The following MME variants were observed in gnomAD, a reference collection of about 807,000 sequenced individuals.
MME encodes neprilysin.
In MME, 98 loss-of-function variants were observed where a neutral mutation model predicts 113.2. That is an observed-to-expected ratio of 0.87 (90% CI 0.74 to 1.02). The LOEUF (loss-of-function observed/expected upper bound fraction) is 1.02. MME is among the 50% of genes least tolerant of loss of function. The probability of loss-of-function intolerance (pLI) is 0.00; values close to 1 mark genes in which losing one functional copy is unlikely to be tolerated. For missense variants in MME, 836 were observed against 896.0 expected, an observed-to-expected ratio of 0.93 and a Z score of 0.86; for synonymous variants, 292 against 300.6, an observed-to-expected ratio of 0.97 and a Z score of 0.30.
At chr3:155,080,521 A>G (rs1037680785) in intron 1 of MME, 55 bp downstream of exon 1, 11 of 151,534 alleles carry the variant, frequency 7.3e-5, no homozygotes, top group Admixed American at 3.9e-4. Context: ...TCACTTTTCT[A>G]TTTTTACTTT....
chr3:155,170,574 A>G (rs1275806757), intron 20 of MME, among the ~76,000 whole-genome samples: 1 of 152,174 alleles, frequency 6.6e-6, no homozygotes, highest in East Asian at 1.9e-4. Context: ...TGTCCTGTGT[A>G]AGTACCATAA....
intron 3 of MME, among the ~76,000 whole-genome samples, chr3:155,114,113 A>G (rs3773893): frequency 0.017 from 2,600 of 152,302 alleles, 71 homozygotes; most frequent in African/African-American, 0.059. Flanking sequence ...TTCTCTTGAT[A>G]CAGATGAATT....
At position 155,126,663 on chromosome 3, in the gene MME, G is replaced by A. The variant is rs184923075; in HGVS notation, c.720+7852G>A. Among the ~76,000 whole-genome samples, 104 of 152,096 alleles carry A rather than the reference G, an allele frequency of 6.8e-4. 1 individual carries two copies. The highest frequency in any genetic ancestry group is 2.5e-3 in the African/African-American group (102 of 41,510). ...AGCCCCTAGCTTGCATTCTTATATGGCAGCAATTGACCAGAGTGGTGTTGT... is the reference window on the plus strand; with the variant it reads ...AGCCCCTAGCTTGCATTCTTATATGACAGCAATTGACCAGAGTGGTGTTGT... On this transcript the variant is annotated intron_variant, in intron 8 of 22. Coordinates refer to ENST00000360490, the MANE Select transcript of MME (RefSeq NM_007289.4).
At chr3:155,165,293 C>T (rs996398045) in intron 17 of MME, among the ~76,000 whole-genome samples, 14 of 151,932 alleles carry the variant, frequency 9.2e-5, no homozygotes, top group Non-Finnish European at 1.9e-4. Flanking sequence ...TAACATGACC[C>T]AAAATTTGAT....
rs2108312023 is a variant in MME at position 155,142,043 on chromosome 3, G to A, written c.1010G>A (p.Ser337Asn). ...GAAATCATGTCAACTGTGAATATTAGTATTACAAATGAGGAAGATGTGGTT... is the reference window on the plus strand; with the variant it reads ...GAAATCATGTCAACTGTGAATATTAATATTACAAATGAGGAAGATGTGGTT... Reference protein sequence around the residue: ...TNEIMSTVNISITNEEDVVVY... With the variant: ...TNEIMSTVNINITNEEDVVVY... The change falls in exon 11 of 23, where the codon AGT becomes AAT. Residue 337 changes from serine (S) to asparagine (N), a missense_variant. Transcript: ENST00000360490. The A allele has an allele frequency of 6.2e-7, 1 of 1,613,586 alleles. No individual in the cohort carries two copies. Among genetic ancestry groups the A allele is most frequent in the Non-Finnish European group, 8.5e-7 (1 of 1,179,610 alleles).
Position 155,172,171 on chromosome 3 carries a change from G to T in MME, c.2035G>T (p.Asp679Tyr), listed in dbSNP as rs1186518587. The change falls in exon 21 of 23, where the codon GAC becomes TAC. Residue 679 changes from aspartate (D) to tyrosine (Y), a missense_variant. By Grantham distance (160) the Asp-to-Tyr change is radical (BLOSUM62 -3). Coordinates refer to ENST00000360490, the MANE Select transcript of MME (RefSeq NM_007289.4). ...CGAAGAAAAATTACTTCCTGGACTT[G>T]ACCTAAATCACAAACAACTATTTTT... is the stretch of plus-strand genomic sequence containing the variant. ...NGEEKLLPGL[D>Y]LNHKQLFFLN... 1 of 1,612,026 alleles carries T rather than the reference G, an allele frequency of 6.2e-7. No homozygotes were observed. The highest frequency in any genetic ancestry group is 1.7e-5 in the Admixed American group (1 of 59,976).
upstream of MME, among the ~76,000 whole-genome samples, chr3:155,077,148 G>A (rs1465351528): frequency 3.3e-5 from 5 of 152,086 alleles, no homozygotes; most frequent in African/African-American, 1.2e-4. Flanking sequence ...GCCTCTGACA[G>A]CTCTCTTTGT....
intron 1 of MME, among the ~76,000 whole-genome samples, chr3:155,064,404 A>C (rs996060223): frequency 6.6e-6 from 1 of 152,232 alleles, no homozygotes; most frequent in African/African-American, 2.4e-5. Context: ...ACGGCCATGC[A>C]GCCGCAAAGT....
intron 1 of MME, among the ~76,000 whole-genome samples, chr3:155,065,497 G>C (rs1714357001): frequency 6.6e-6 from 1 of 152,204 alleles, no homozygotes; most frequent in South Asian, 2.1e-4. Flanking sequence ...CTACAGAAAA[G>C]TGGAACAGGA....
chr3:155,108,984 G>A (rs986171110), intron 3 of MME, among the ~76,000 whole-genome samples: 1 of 152,234 alleles, frequency 6.6e-6, no homozygotes, highest in Non-Finnish European at 1.5e-5. Flanking sequence ...TGTAGTGGGG[G>A]TCCCGTGTAA....
intron 16 of MME, among the ~76,000 whole-genome samples, chr3:155,149,278 C>T (rs551782324): frequency 6.6e-6 from 1 of 152,136 alleles, no homozygotes; most frequent in African/African-American, 2.4e-5. Context: ...TGTTTATGCA[C>T]CGAAATTCCT....
intron 16 of MME, among the ~76,000 whole-genome samples, chr3:155,153,213 G>C (rs1342055106): frequency 6.6e-6 from 1 of 151,992 alleles, no homozygotes; most frequent in South Asian, 2.1e-4. Flanking sequence ...TTTTAGTAGA[G>C]ACGGGGCTTC....
At chr3:155,147,247 C>G in intron 15 of MME, 23 bp downstream of exon 15, 1 of 1,384,632 alleles carries the variant, frequency 7.2e-7, no homozygotes, top group Non-Finnish European at 1.0e-6. Context: ...AAAATAGACT[C>G]TGGACTACTG....
chr3:155,111,978 T>A (rs1718229583), intron 3 of MME, among the ~76,000 whole-genome samples: 1 of 152,190 alleles, frequency 6.6e-6, no homozygotes, highest in Admixed American at 6.5e-5. Flanking sequence ...TTAGGATCTT[T>A]ATTTTTCACC....
intron 8 of MME, among the ~76,000 whole-genome samples, chr3:155,122,327 A>G: frequency 6.7e-6 from 1 of 148,716 alleles, no homozygotes. Context: ...TATTAGTCTT[A>G]CTAGCGGTCT....
At chr3:155,029,377 T>C (rs1280342963) in intron 1 of MME, among the ~76,000 whole-genome samples, 1 of 152,090 alleles carries the variant, frequency 6.6e-6, no homozygotes, top group African/African-American at 2.4e-5. Flanking sequence ...GTCCTTTTAG[T>C]TTTATTTATA....
Position 155,180,578 on chromosome 3 carries a change from C to A in MME, c.*119C>A. 1.3e-6 allele frequency: 1 copy of A among 773,006 alleles called. No homozygotes were observed. Among genetic ancestry groups the A allele is most frequent in the Non-Finnish European group, 2.3e-6 (1 of 426,672 alleles). 47.9% of individuals were successfully genotyped at this position (773,006 alleles called of 1,614,324 possible). ...ACTGTACTGACTTGAGGGTGATTAA[C>A]AGAGAGGGCACCATCACAATACAGA... On this transcript the variant is annotated 3_prime_UTR_variant, in exon 23 of 23. Transcript: ENST00000360490.
At chr3:155,157,282 C>T (rs2108344743) in intron 16 of MME, among the ~76,000 whole-genome samples, 1 of 152,266 alleles carries the variant, frequency 6.6e-6, no homozygotes, top group Middle Eastern at 3.4e-3. Flanking sequence ...CATTTGTATG[C>T]ATACAGACCA....
chr3:155,066,324 T>C (rs1559897926), intron 1 of MME, among the ~76,000 whole-genome samples: 1 of 152,144 alleles, frequency 6.6e-6, no homozygotes, highest in Non-Finnish European at 1.5e-5. Context: ...CCTCTTTGTA[T>C]TTTTTTGAAG....
Sources: allele counts gnomAD v4.1 joint callset (sites outside exome capture counted in the v4.1 genomes callset), GRCh38; gene constraint gnomAD v4.1.1; transcripts MANE v1.5; gene names NCBI Gene and HGNC (gene_info 2026-07-23, HGNC 2026-07-21).